CACNA1C: variants seen among roughly 807,000 people sequenced by gnomAD.
CACNA1C encodes the protein calcium voltage-gated channel subunit alpha1 C, also known as voltage-dependent L-type calcium channel subunit alpha-1C.
A neutral mutation model predicts 229.0 loss-of-function variants in CACNA1C; 30 were observed. The ratio of observed to expected loss-of-function variants is 0.13; its 90% CI spans 0.10 to 0.18. CACNA1C has a LOEUF of 0.18. Ranked by LOEUF, CACNA1C falls within the 10% of genes least tolerant of loss-of-function variation. The probability of loss-of-function intolerance (pLI) is 1.00; values close to 1 mark genes in which losing one functional copy is unlikely to be tolerated. For synonymous variants in CACNA1C, 1,114 were observed against 1,132.5 expected (o/e 0.98, Z 0.33); for missense variants, 1,658 against 2,845.0 (o/e 0.58, Z 9.49).
intron 9 of CACNA1C, among the ~76,000 whole-genome samples, chr12:2,524,268 T>C (rs2099814881): frequency 2.6e-5 from 4 of 152,132 alleles, no homozygotes. Flanking sequence ...CACATTTAAG[T>C]CCCAACAGGG....
intron 3 of CACNA1C, among the ~76,000 whole-genome samples, chr12:2,177,561 T>TTCCCTCCCTCCC (rs1174918516): frequency 6.4e-5 from 5 of 78,106 alleles, no homozygotes; most frequent in African/African-American, 2.1e-4. Context: ...TTCCCTTTCC[T>TTCCCTCCCTCCC]TCCCTCCCTC....
intron 5 of CACNA1C, among the ~76,000 whole-genome samples, chr12:2,480,743 G>T (rs1027975427): frequency 1.3e-5 from 2 of 152,180 alleles, no homozygotes; most frequent in Non-Finnish European, 2.9e-5. Flanking sequence ...GTCTTCTGAT[G>T]AATTCTGTCA....
intron 13 of CACNA1C, among the ~76,000 whole-genome samples, chr12:2,573,301 C>A (rs1384975729): frequency 6.6e-6 from 1 of 152,198 alleles, no homozygotes; most frequent in East Asian, 1.9e-4. Flanking sequence ...TCTCACTTGG[C>A]TGACCACCTT....
chr12:2,006,281 A>G (rs2429126), intron 1 of CACNA1C, among the ~76,000 whole-genome samples: 85,062 of 151,874 alleles, frequency 0.56, 24,573 homozygotes, highest in African/African-American at 0.71. Context: ...GGTGGCAGGT[A>G]CCTGTAATCC....
rs1166335622 is a variant in CACNA1C at position 2,197,044 on chromosome 12, A to G, written c.477+76614A>G. On this transcript the variant is annotated intron_variant, in intron 3 of 46. Transcript: ENST00000399655. ...GGAGCTGCCCAGCAAAGTAAATGCA[A>G]TGCCTACCTCCAGAGCCTGGCTTTC... Among the ~76,000 whole-genome samples the G allele has an allele frequency of 2.6e-5, 4 of 152,130 alleles. No individual in the cohort carries two copies. The East Asian group carries it at 7.7e-4, about 29-fold the overall frequency.
At chr12:2,021,186 A>G (rs922833466) in intron 1 of CACNA1C, among the ~76,000 whole-genome samples, 5 of 152,202 alleles carry the variant, frequency 3.3e-5, no homozygotes, top group Non-Finnish European at 7.3e-5. Context: ...AGCTTTGCAT[A>G]GATCATTTTT....
At chr12:2,477,818 C>T (rs1180550522) in intron 5 of CACNA1C, among the ~76,000 whole-genome samples, 9 of 152,146 alleles carry the variant, frequency 5.9e-5, no homozygotes, top group African/African-American at 1.9e-4. Context: ...GTTGCCACTT[C>T]CAGGCCACCC....
At chr12:2,645,742 G>A (rs1342948450) in intron 30 of CACNA1C, among the ~76,000 whole-genome samples, 1 of 152,168 alleles carries the variant, frequency 6.6e-6, no homozygotes, top group African/African-American at 2.4e-5. Flanking sequence ...CATCGCGAGT[G>A]GTTATTCATT....
intron 5 of CACNA1C, among the ~76,000 whole-genome samples, chr12:2,473,045 G>T (rs114696357): frequency 7.9e-4 from 121 of 152,332 alleles, no homozygotes; most frequent in African/African-American, 2.7e-3. Flanking sequence ...CCCTTGCAGT[G>T]TCAGAGTCAT....
At chr12:2,660,485 A>G (rs1259199299) in intron 34 of CACNA1C, 2 of 153,828 alleles carry the variant, frequency 1.3e-5, no homozygotes, top group Non-Finnish European at 2.9e-5. Flanking sequence ...CATGTCCTGC[A>G]ACACAAATGC....
chr12:2,107,681 T>C (rs1323013793), intron 1 of CACNA1C, among the ~76,000 whole-genome samples: 1 of 152,278 alleles, frequency 6.6e-6, no homozygotes, highest in Non-Finnish European at 1.5e-5. Context: ...GTTTCTACAT[T>C]GTTTTTTGGG....
At chr12:2,438,258 T>C (rs557599032) in intron 3 of CACNA1C, among the ~76,000 whole-genome samples, 6 of 143,756 alleles carry the variant, frequency 4.2e-5, no homozygotes, top group African/African-American at 1.3e-4. Context: ...ATAATGATGG[T>C]GATGGTGGTG....
At chr12:2,626,211 G>A (rs754761900) in intron 29 of CACNA1C, among the ~76,000 whole-genome samples, 28 of 152,200 alleles carry the variant, frequency 1.8e-4, no homozygotes, top group South Asian at 2.1e-4. Context: ...TCTGCCCAGC[G>A]CCCTGCCTGG....
At chr12:2,616,031 G>A (rs1166793826) in intron 29 of CACNA1C, among the ~76,000 whole-genome samples, 2 of 152,160 alleles carry the variant, frequency 1.3e-5, no homozygotes, top group African/African-American at 2.4e-5. Flanking sequence ...CACTCAGGGA[G>A]TAGCCAGTGA....
intron 38 of CACNA1C, among the ~76,000 whole-genome samples, chr12:2,674,233 G>C (rs1053523350): frequency 6.6e-6 from 1 of 152,256 alleles, no homozygotes; most frequent in Non-Finnish European, 1.5e-5. Flanking sequence ...AGTCTACAAG[G>C]AAGAGCACTG....
chr12:2,411,562 G>A (rs1016582708), intron 3 of CACNA1C, among the ~76,000 whole-genome samples: 5 of 152,154 alleles, frequency 3.3e-5, no homozygotes, highest in African/African-American at 4.8e-5. Context: ...CCTAGTCCCC[G>A]GGCCCTGGCC....
Position 2,387,038 on chromosome 12 carries a change from T to C in CACNA1C, c.478-61938T>C, listed in dbSNP as rs115490045. ...TAACAATAAGACTTTTTAAACTGACTTTAGTTATTCCAGGTTTAGAATTCT... is the reference window on the plus strand; with the variant it reads ...TAACAATAAGACTTTTTAAACTGACCTTAGTTATTCCAGGTTTAGAATTCT... On this transcript the variant is annotated intron_variant, in intron 3 of 46. Coordinates refer to ENST00000399655, the MANE Select transcript of CACNA1C (RefSeq NM_000719.7). Among the ~76,000 whole-genome samples the C allele has an allele frequency of 5.8e-3, 877 of 152,344 alleles. 7 individuals are homozygous for C. The highest frequency in any genetic ancestry group is 0.02 in the African/African-American group (825 of 41,582).
At chr12:2,308,916 A>G (rs370511264) in intron 3 of CACNA1C, among the ~76,000 whole-genome samples, 56 of 152,226 alleles carry the variant, frequency 3.7e-4, no homozygotes, top group African/African-American at 1.4e-3. Context: ...TACAGCCATT[A>G]TGGAAAACAA....
chr12:2,648,092 T>G (rs2094531064), intron 30 of CACNA1C, among the ~76,000 whole-genome samples: 1 of 152,136 alleles, frequency 6.6e-6, no homozygotes, highest in African/African-American at 2.4e-5. Context: ...GAGCTGTGAT[T>G]ATGCCACTGC....
Sources: allele counts gnomAD v4.1 joint callset (sites outside exome capture counted in the v4.1 genomes callset), GRCh38; gene constraint gnomAD v4.1.1; transcripts MANE v1.5; gene names NCBI Gene and HGNC (gene_info 2026-07-23, HGNC 2026-07-21).